The following SPG7 variants were observed in gnomAD, a reference collection of about 807,000 sequenced individuals.
SPG7 encodes mitochondrial inner membrane m-AAA protease component paraplegin.
In SPG7, 103 loss-of-function variants were observed where a neutral mutation model predicts 81.9. The ratio of observed to expected loss-of-function variants is 1.26; its 90% CI spans 1.07 to 1.48. The LOEUF (loss-of-function observed/expected upper bound fraction) is 1.48, where lower values mean the gene tolerates loss of function less well. Among genes scored for constraint, SPG7 ranks in the 40% most tolerant of loss-of-function variants. The pLI is 0.00. For synonymous variants in SPG7, 534 were observed against 444.2 expected, an observed-to-expected ratio of 1.20 and a Z score of -2.54; for missense variants, 1,241 against 1,087.3, an observed-to-expected ratio of 1.14 and a Z score of -1.99.
intron 3 of SPG7, 77 bp from the exon 4 acceptor site, chr16:89,523,929 C>A: frequency 1.3e-6 from 2 of 1,588,068 alleles, no homozygotes; most frequent in South Asian, 2.2e-5. Context: ...GCTGAGCTTT[C>A]CTGAGGAAGC....
intron 3 of SPG7, chr16:89,520,956 A>C (rs1422532416): frequency 1.3e-5 from 2 of 152,250 alleles, no homozygotes; most frequent in South Asian, 2.1e-4. Context: ...GGCAGTTATC[A>C]GACAGGGTTG....
At chr16:89,530,590 TG>T in intron 6 of SPG7, 92 bp from the exon 7 acceptor site, 1 of 1,464,280 alleles carries the variant, frequency 6.8e-7, no homozygotes. Flanking sequence ...GACGTGGGGT[TG>T]GGGCGGCTCA....
intron 2 of SPG7, among the ~76,000 whole-genome samples, chr16:89,512,157 C>T (rs2058032065): frequency 1.3e-5 from 2 of 151,732 alleles, no homozygotes; most frequent in African/African-American, 4.8e-5. Context: ...GTGATCCACC[C>T]GACTCGGCCT....
At chr16:89,537,111 G>C (rs2058435413) in intron 9 of SPG7, 1 of 1,495,224 alleles carries the variant, frequency 6.7e-7, no homozygotes, top group South Asian at 1.3e-5. Context: ...CCACAGCTGT[G>C]CATGCTCAGC....
At position 89,553,089 on chromosome 16, in the gene SPG7, G is replaced by C. The variant is rs767213993; in HGVS notation, c.1890G>C (p.Leu630=). 9 of 1,613,296 alleles carry C rather than the reference G, an allele frequency of 5.6e-6. No homozygotes were observed. ...TGTTTGAGCGGATGTGCATGGCCCT[G>C]GGAGGACGGGCCTCGGAAGCACTGT... ...EQLFERMCMA[L]GGRASEALSF... The change falls in exon 14 of 17, where the codon CTG becomes CTC. Residue 630 remains leucine, a synonymous_variant. Coordinates refer to ENST00000645818, the MANE Select transcript of SPG7 (RefSeq NM_003119.4).
rs1413810792 is a variant in SPG7, at chr16:89,546,681, G to C, written c.1473G>C (p.Gln491His). 6.2e-7 allele frequency: 1 copy of C among 1,613,390 alleles called. No individual in the cohort carries two copies. The highest frequency in any genetic ancestry group is 2.2e-5 in the East Asian group (1 of 44,850). The change falls in exon 11 of 17, where the codon CAG (glutamine) becomes CAC (histidine). Residue 491 changes from glutamine (Q) to histidine (H), a missense_variant. By Grantham distance (24) the Gln-to-His change is conservative (BLOSUM62 0). Coordinates refer to ENST00000645818, the MANE Select transcript of SPG7 (RefSeq NM_003119.4). ...AGGAGAGGCGGGAGATTTTTGAGCA[G>C]CACCTGAAGAGCCTGAAGCTGACCC... is the stretch of plus-strand genomic sequence containing the variant. ...TLQERREIFE[Q>H]HLKSLKLTQS...
chr16:89,550,362 G>T, intron 12 of SPG7, 132 bp from the exon 13 acceptor site: 1 of 727,370 alleles, frequency 1.4e-6, no homozygotes, highest in East Asian at 2.6e-5. Context: ...TAGTAGGGAC[G>T]GGGTTTCACC....
Position 89,526,433 on chromosome 16 carries a change from C to T in SPG7, c.723C>T (p.Ile241=), listed in dbSNP as rs1178155519. Residue 241 remains isoleucine, a synonymous_variant, in exon 5 of 17, where the codon ATC becomes ATT. Coordinates refer to ENST00000645818, the MANE Select transcript of SPG7 (RefSeq NM_003119.4). ...DELNIEAKDR[I]PVSYKRTGFF... ...TGAATATCGAGGCCAAGGACAGGAT[C>T]CCAGTTTCCTACAAGCGAACAGGAT... 2 of 1,614,168 alleles carry T rather than the reference C, an allele frequency of 1.2e-6. No homozygotes were observed. Among genetic ancestry groups the T allele is most frequent in the Admixed American group, 3.3e-5 (2 of 60,014 alleles).
rs539952448 is a variant in SPG7 at position 89,512,653 on chromosome 16, C to T, written c.287-295C>T. ...AGCAACTTCATATATTAAAGGGATTCGTGATATTTTCCCAAATTTGTGTTC... is the reference window on the plus strand; with the variant it reads ...AGCAACTTCATATATTAAAGGGATTTGTGATATTTTCCCAAATTTGTGTTC... On this transcript the variant is annotated intron_variant, in intron 2 of 16. Transcript: ENST00000645818. Among the ~76,000 whole-genome samples, 201 of 152,266 alleles carry T rather than the reference C, an allele frequency of 1.3e-3. 2 individuals are homozygous for T. The highest frequency in any genetic ancestry group is 3.1e-4 in the Non-Finnish European group (21 of 68,022).
intron 7 of SPG7, 131 bp from the exon 8 acceptor site, chr16:89,531,773 T>C: frequency 2.3e-6 from 2 of 867,244 alleles, no homozygotes; most frequent in Admixed American, 2.0e-5. Flanking sequence ...AACCCAGGAG[T>C]TTGAGGCTGC....
intron 11 of SPG7, chr16:89,547,489 C>T: frequency 5.3e-6 from 1 of 190,050 alleles, no homozygotes; most frequent in South Asian, 9.5e-5. Flanking sequence ...CTGCTCCTGG[C>T]GCCGGCGCCT....
At chr16:89,545,056 A>T (rs2058546376) in intron 10 of SPG7, 1 of 482,362 alleles carries the variant, frequency 2.1e-6, no homozygotes, top group African/African-American at 2.0e-5. Flanking sequence ...TTCACCTGCT[A>T]TTGGTTTTCC....
At chr16:89,538,648 ATCTCAGGC>A (rs1390641033) in intron 9 of SPG7, 2 of 152,642 alleles carry the variant, frequency 1.3e-5, no homozygotes, top group Non-Finnish European at 2.9e-5. Context: ...TGGTTCAAGG[ATCTCAGGC>A]TCTGAGCGGG....
At chr16:89,514,166 G>A (rs1008437367) in intron 3 of SPG7, among the ~76,000 whole-genome samples, 2 of 152,014 alleles carry the variant, frequency 1.3e-5, no homozygotes, top group African/African-American at 2.4e-5. Context: ...CTTACTGTTG[G>A]TTTTACGGTA....
intron 9 of SPG7, among the ~76,000 whole-genome samples, chr16:89,534,944 C>T (rs748605920): frequency 2.0e-5 from 3 of 152,238 alleles, no homozygotes; most frequent in African/African-American, 4.8e-5. Flanking sequence ...CTGTGTTGTC[C>T]AGGTTGGTCT....
chr16:89,537,289 C>T, intron 9 of SPG7: 1 of 1,297,954 alleles, frequency 7.7e-7, no homozygotes, highest in Non-Finnish European at 9.8e-7. Flanking sequence ...CCCAGAGCCC[C>T]CGGGAAGGGC....
At chr16:89,545,132 T>C (rs1567926816) in intron 10 of SPG7, 3 of 360,758 alleles carry the variant, frequency 8.3e-6, no homozygotes, top group Non-Finnish European at 1.6e-5. Context: ...GGAGGAAAAA[T>C]TGTGGGAAAC....
At chr16:89,512,902 G>A (rs773306971) in intron 2 of SPG7, 46 bp from the exon 3 acceptor site, 1 of 1,607,054 alleles carries the variant, frequency 6.2e-7, no homozygotes, top group Non-Finnish European at 8.5e-7. Context: ...TGCCTCCCCT[G>A]TGGTTGCAAA....
chr16:89,537,153 T>C, intron 9 of SPG7: 1 of 1,457,398 alleles, frequency 6.9e-7, no homozygotes, highest in Non-Finnish European at 9.0e-7. Context: ...GCTTTGTTGC[T>C]TCCGTTCATG....
Sources: allele counts gnomAD v4.1 joint callset (sites outside exome capture counted in the v4.1 genomes callset), GRCh38; gene constraint gnomAD v4.1.1; transcripts MANE v1.5; gene names NCBI Gene and HGNC (gene_info 2026-07-23, HGNC 2026-07-21).